Variants in NR5A1 observed in about 807,000 individuals in gnomAD.
The protein encoded by NR5A1 is nuclear receptor subfamily 5 group A member 1, also known as steroidogenic factor 1.
NR5A1 carries 6 observed loss-of-function variants against 42.7 expected under a neutral mutation model. That is an observed-to-expected ratio of 0.14 (90% CI 0.08 to 0.28). The LOEUF is 0.28. Among genes scored for constraint, NR5A1 ranks in the 10% least tolerant of loss-of-function variants. The pLI, the probability that NR5A1 is intolerant of heterozygous loss-of-function variation, is 1.00. For synonymous variants in NR5A1, 274 were observed against 277.5 expected (o/e 0.99, Z 0.12); for missense variants, 442 against 626.4 (o/e 0.71, Z 3.14).
chr9:124,495,765 G>A (rs996450873), intron 4 of NR5A1, among the ~76,000 whole-genome samples: 2 of 152,166 alleles, frequency 1.3e-5, no homozygotes, highest in East Asian at 1.9e-4. Flanking sequence ...ACGGTGACCC[G>A]GCTGGCCCAG....
Position 124,496,720 on chromosome 9 carries a change from G to A in NR5A1, c.870+3370C>T, listed in dbSNP as rs972545586. 1.3e-5 allele frequency among the ~76,000 whole-genome samples: 2 copies of A among 152,192 alleles called. No homozygotes were observed. Among genetic ancestry groups the A allele is most frequent in the Admixed American group, 6.5e-5 (1 of 15,286 alleles). ...CAGCCCAGGACTGACAGTTACTGCC[G>A]CTTAAATGAAACCGTCTATCTGGGC... On this transcript the variant is annotated intron_variant, in intron 4 of 6. Coordinates refer to ENST00000373588, the MANE Select transcript of NR5A1 (RefSeq NM_004959.5). This position sits in a 1 kb window ranked among gnomAD's most constrained non-coding sequence, Gnocchi z 5.0.
At position 124,482,748 on chromosome 9, in the gene NR5A1, C is replaced by T. The variant is rs1257161060; in HGVS notation, c.*10G>A. On this transcript the variant is annotated 3_prime_UTR_variant, in exon 7 of 7. Coordinates refer to ENST00000373588, the MANE Select transcript of NR5A1 (RefSeq NM_004959.5). ...CCGCCCCCAGTCCCGGCCCCGCCCC[C>T]GGCCCAGGCTCAAGTCTGCTTGGCT... 2 of 1,542,596 alleles carry T rather than the reference C, an allele frequency of 1.3e-6. No individual in the cohort carries two copies. Among genetic ancestry groups the T allele is most frequent in the Non-Finnish European group, 1.7e-6 (2 of 1,144,978 alleles).
At chr9:124,487,348 C>T (rs1024427059) in intron 6 of NR5A1, among the ~76,000 whole-genome samples, 2 of 152,240 alleles carry the variant, frequency 1.3e-5, no homozygotes, top group African/African-American at 2.4e-5. Context: ...TGGCGCGGAG[C>T]AGTGGGTAAA....
intron 4 of NR5A1, among the ~76,000 whole-genome samples, chr9:124,494,636 A>G (rs934684047): frequency 2.0e-5 from 3 of 152,004 alleles, no homozygotes; most frequent in African/African-American, 7.3e-5. Context: ...GCTCCCCAAG[A>G]CAAGCACAGA....
chr9:124,504,540 C>T (rs1181672562), intron 1 of NR5A1, among the ~76,000 whole-genome samples: 1 of 151,668 alleles, frequency 6.6e-6, no homozygotes, highest in African/African-American at 2.4e-5. Context: ...GGGCGGGGGT[C>T]GGCGGGCTCC....
chr9:124,493,164 C>A lies in NR5A1; in HGVS notation c.871-15G>T, dbSNP rs928431554. On this transcript the variant is annotated splice_polypyrimidine_tract_variant and intron_variant, in intron 4 of 6. Transcript: ENST00000373588. ...TGGTCGGCCACCTGGAAGGAAGAGG[C>A]ACGCGGGGGGCCGGGCTCCAGCCAG... 6 of 1,608,324 alleles carry A rather than the reference C, an allele frequency of 3.7e-6. No individual in the cohort carries two copies. The South Asian group carries it at 5.5e-5, about 15-fold the overall frequency.
At position 124,492,245 on chromosome 9, in the gene NR5A1, C is replaced by G. The variant is rs567707630; in HGVS notation, c.990+785G>C. Among the ~76,000 whole-genome samples, 24 of 150,188 alleles carry G rather than the reference C, an allele frequency of 1.6e-4. 1 individual carries two copies. In the South Asian group the frequency reaches 3.2e-3, roughly 20 times the overall value. On this transcript the variant is annotated intron_variant, in intron 5 of 6. Transcript: ENST00000373588. ...CATCAACCCCCTTCTCTGCCTCCCC[C>G]CCTCCCTCTCTTTCCCTACAGCCCA...
At chr9:124,502,047 G>A (rs1832479079) in intron 3 of NR5A1, among the ~76,000 whole-genome samples, 1 of 152,192 alleles carries the variant, frequency 6.6e-6, no homozygotes, top group Admixed American at 6.5e-5. Flanking sequence ...AACATGACGG[G>A]AAGGAATCTC....
rs80224374 is a variant in NR5A1 at position 124,486,507 on chromosome 9, G to T, written c.1139-3502C>A. Among the ~76,000 whole-genome samples the T allele has an allele frequency of 2.2e-4, 34 of 152,328 alleles. 1 individual carries two copies. In the East Asian group the frequency reaches 6.2e-3, roughly 28 times the overall value. On this transcript the variant is annotated intron_variant, in intron 6 of 6. Coordinates refer to ENST00000373588, the MANE Select transcript of NR5A1 (RefSeq NM_004959.5). ...CAGGACTGGGGCCCCCTGCCCAGGA[G>T]CTGGGTCAAGCTGGGATGCATGTTC...
chr9:124,500,446 C>T lies in NR5A1; in HGVS notation c.514G>A (p.Ala172Thr), dbSNP rs1383601199. The stretch of plus-strand genomic sequence containing the variant: ...AGTGGCCCGTGGGCACCGGGCACGG[C>T]CATGGGCAGTGCTGGGGCCCCAAAG... ...GDFGAPALPM[A>T]VPGAHGPLAG... Residue 172 changes from alanine (A) to threonine (T), a missense_variant, in exon 4 of 7, where the codon GCC becomes ACC. Coordinates refer to ENST00000373588, the MANE Select transcript of NR5A1 (RefSeq NM_004959.5). The surrounding 1 kb of genome is among the most constrained non-coding windows in gnomAD (Gnocchi z 6.9). 1.9e-6 allele frequency: 3 copies of T among 1,585,030 alleles called. No individual in the cohort carries two copies. The highest frequency in any genetic ancestry group is 2.6e-6 in the Non-Finnish European group (3 of 1,167,414).
rs867526889 is a variant in NR5A1 at position 124,498,978 on chromosome 9, C to T, written c.870+1112G>A. ...CATGCCCCTGGAGGAAGCCCAGGCC[C>T]GAGTGGCGTCAGCATTGACAATGCT... On this transcript the variant is annotated intron_variant, in intron 4 of 6. Transcript: ENST00000373588. The surrounding 1 kb of genome is among the most constrained non-coding windows in gnomAD (Gnocchi z 4.6). 6.6e-6 allele frequency among the ~76,000 whole-genome samples: 1 copy of T among 152,204 alleles called. No homozygotes were observed. The highest frequency in any genetic ancestry group is 1.5e-5 in the Non-Finnish European group (1 of 68,028).
At chr9:124,504,054 A>AGAGAGAGAGAGAGAGAGAGAGG (rs1832512657) in intron 1 of NR5A1, among the ~76,000 whole-genome samples, 1 of 142,636 alleles carries the variant, frequency 7.0e-6, no homozygotes, top group African/African-American at 2.6e-5. Context: ...GAGAGAGACG[A>AGAGAGAGAGAGAGAGAGAGAGG]GAGAGAGAGA....
At chr9:124,491,728 T>G (rs1832312161) in intron 5 of NR5A1, among the ~76,000 whole-genome samples, 1 of 150,812 alleles carries the variant, frequency 6.6e-6, no homozygotes, top group Non-Finnish European at 1.5e-5. Context: ...CTCTGTGAAG[T>G]GAAGGCACAC....
intron 6 of NR5A1, 45 bp downstream of exon 6, chr9:124,491,036 C>CCCCCCCCCAGGG: frequency 2.1e-6 from 3 of 1,401,598 alleles, no homozygotes. Flanking sequence ...CCCACCCACC[C>CCCCCCCCCAGGG]GCCTCTGGCT....
chr9:124,482,426 T>A lies in NR5A1; in HGVS notation c.*332A>T, dbSNP rs1174179782. The A allele has an allele frequency of 5.2e-6, 2 of 385,900 alleles. No individual in the cohort carries two copies. The highest frequency in any genetic ancestry group is 2.2e-5 in the African/African-American group (1 of 45,896). 23.9% of individuals were successfully genotyped at this position (385,900 alleles called of 1,614,324 possible). ...GAGGCCCACCAGGGAATCCCGAACC[T>A]CCTCCCCGGACCTGCAGGCTTCAGA... On this transcript the variant is annotated 3_prime_UTR_variant, in exon 7 of 7. Transcript: ENST00000373588.
chr9:124,499,965 C>T (rs761957854), intron 4 of NR5A1, 125 bp downstream of exon 4: 76 of 1,434,834 alleles, frequency 5.3e-5, no homozygotes, highest in East Asian at 1.4e-4. Flanking sequence ...GGGTGGCCTC[C>T]GGGTCCCCAG....
At chr9:124,492,847 C>G (rs1223957094) in intron 5 of NR5A1, among the ~76,000 whole-genome samples, 183 bp downstream of exon 5, 2 of 152,234 alleles carry the variant, frequency 1.3e-5, no homozygotes, top group Non-Finnish European at 2.9e-5. Flanking sequence ...CAAGCCTGGG[C>G]CAGGGCTGCT....
Position 124,503,558 on chromosome 9 carries a change from C to T in NR5A1, c.-15-148G>A. Reference sequence around the variant, plus strand: ...CCGCCGGCACCCACCGAGCGCCCCGCGCAGCGTCCCGGGGTGGGTCCGGTG... The same window carrying T: ...CCGCCGGCACCCACCGAGCGCCCCGTGCAGCGTCCCGGGGTGGGTCCGGTG... On this transcript the variant is annotated intron_variant, in intron 1 of 6. Coordinates refer to ENST00000373588, the MANE Select transcript of NR5A1 (RefSeq NM_004959.5). This position sits in a 1 kb window ranked among gnomAD's most constrained non-coding sequence, Gnocchi z 9.6. 3 of 583,806 alleles carry T rather than the reference C, an allele frequency of 5.1e-6. No homozygotes were observed. The highest frequency in any genetic ancestry group is 8.3e-6 in the Non-Finnish European group (3 of 361,572). 36.2% of individuals were successfully genotyped at this position (583,806 alleles called of 1,614,324 possible). A position where few individuals can be genotyped will look rare whatever the true frequency, so the allele number is the denominator to read the frequency against.
At chr9:124,490,600 C>T (rs976299148) in intron 6 of NR5A1, among the ~76,000 whole-genome samples, 2 of 152,156 alleles carry the variant, frequency 1.3e-5, no homozygotes, top group African/African-American at 2.4e-5. Context: ...ATATTATGCT[C>T]ATGATCTGTC....
Sources: gnomAD v4.1 joint callset for allele counts (sites outside exome capture counted in the v4.1 genomes callset) on GRCh38, gnomAD v4.1.1 for gene constraint, Gnocchi (gnomAD v3.1) non-coding constraint, MANE v1.5 for transcripts, NCBI Gene and HGNC (gene_info 2026-07-23, HGNC 2026-07-21) for gene names.